The following PSIP1 variants were observed in gnomAD, a reference collection of about 807,000 sequenced individuals.
The protein encoded by PSIP1 is PC4 and SFRS1-interacting protein.
Under a neutral mutation model 74.7 loss-of-function variants are expected in PSIP1, and 19 were observed. The ratio of observed to expected loss-of-function variants is 0.25; its 90% CI spans 0.18 to 0.37. The LOEUF (loss-of-function observed/expected upper bound fraction) is 0.37. PSIP1 is among the 10% of genes least tolerant of loss of function. PSIP1 has a pLI of 1.00. For missense variants in PSIP1, 601 were observed against 614.3 expected (o/e 0.98, Z 0.23); for synonymous variants, 222 against 195.3 (o/e 1.14, Z -1.14).
chr9:15,492,222 G>C (rs1056885169), intron 3 of PSIP1: 1 of 152,138 alleles, frequency 6.6e-6, no homozygotes, highest in East Asian at 1.9e-4. Context: ...TTCCACCTAG[G>C]AGCCTGTAAA....
chr9:15,471,061 T>C (rs1269640227), intron 10 of PSIP1: 2 of 1,478,122 alleles, frequency 1.4e-6, no homozygotes, highest in Non-Finnish European at 1.8e-6. Context: ...ATTTAGAATC[T>C]GGAACATTCT....
chr9:15,481,456 G>A (rs745602360), intron 6 of PSIP1, among the ~76,000 whole-genome samples: 2 of 152,224 alleles, frequency 1.3e-5, no homozygotes, highest in South Asian at 2.1e-4. Context: ...TCAGCGCTTT[G>A]GGAGGCTGGG....
At chr9:15,467,113 C>G (rs1285850846) in intron 14 of PSIP1, among the ~76,000 whole-genome samples, 6 of 151,944 alleles carry the variant, frequency 3.9e-5, no homozygotes, top group African/African-American at 1.4e-4. Context: ...AGCAGGTTAA[C>G]TATCTATGAG....
chr9:15,472,882 A>AAG (rs1477657246), intron 9 of PSIP1, 132 bp from the exon 10 acceptor site: 2 of 801,966 alleles, frequency 2.5e-6, no homozygotes, highest in Non-Finnish European at 4.0e-6. Flanking sequence ...GCAACCTAAA[A>AAG]ATAGTCTTTG....
intron 6 of PSIP1, among the ~76,000 whole-genome samples, chr9:15,484,488 G>A (rs2036473122): frequency 6.6e-6 from 1 of 151,552 alleles, no homozygotes; most frequent in African/African-American, 2.4e-5. Flanking sequence ...ACTTTGGGAG[G>A]CCGAGGTGGG....
chr9:15,506,217 A>G (rs1293794169), intron 3 of PSIP1: 3 of 171,064 alleles, frequency 1.8e-5, no homozygotes, highest in African/African-American at 7.1e-5. Context: ...ATAAAACCAA[A>G]AATTAGGTAC....
chr9:15,470,241 G>C (rs955801244), intron 10 of PSIP1, among the ~76,000 whole-genome samples: 1 of 152,100 alleles, frequency 6.6e-6, no homozygotes, highest in Non-Finnish European at 1.5e-5. Flanking sequence ...TGCTAGAAGA[G>C]CAATTTCAGG....
intron 3 of PSIP1, among the ~76,000 whole-genome samples, chr9:15,497,233 TATCAC>T (rs2037117865): frequency 6.6e-6 from 1 of 151,706 alleles, no homozygotes; most frequent in Non-Finnish European, 1.5e-5. Flanking sequence ...AGTAATGTAC[TATCAC>T]ATCCAGGCTA....
intron 6 of PSIP1, among the ~76,000 whole-genome samples, chr9:15,485,026 G>C (rs2036499838): frequency 6.6e-6 from 1 of 152,090 alleles, no homozygotes; most frequent in African/African-American, 2.4e-5. Flanking sequence ...TCAGGTTGCA[G>C]TGAGGCATGA....
At chr9:15,494,557 C>A (rs1403886931) in intron 3 of PSIP1, among the ~76,000 whole-genome samples, 1 of 50,506 alleles carries the variant, frequency 2.0e-5, no homozygotes, top group East Asian at 7.2e-4. Flanking sequence ...AAGAGCAAAA[C>A]TGCATCTCAA....
chr9:15,509,489 CAAA>C (rs1277354708), intron 2 of PSIP1, among the ~76,000 whole-genome samples: 5 of 152,114 alleles, frequency 3.3e-5, no homozygotes, highest in Admixed American at 3.3e-4. Context: ...CTATTGGAAA[CAAA>C]AAGGTAAAAC....
intron 11 of PSIP1, 115 bp downstream of exon 11, chr9:15,469,823 C>G: frequency 1.2e-6 from 1 of 843,952 alleles, no homozygotes; most frequent in Non-Finnish European, 1.8e-6. Flanking sequence ...TTGAAAAATT[C>G]TATTTGTAGG....
intron 3 of PSIP1, among the ~76,000 whole-genome samples, chr9:15,494,590 A>G (rs900669736): frequency 2.7e-5 from 4 of 150,776 alleles, no homozygotes; most frequent in African/African-American, 9.8e-5. Context: ...AAAAAAAAAA[A>G]AAATACACAC....
chr9:15,471,363 T>C, intron 10 of PSIP1: 2 of 1,555,050 alleles, frequency 1.3e-6, no homozygotes, highest in Non-Finnish European at 1.8e-6. Flanking sequence ...AAAACACAAA[T>C]ATTAGAATTT....
chr9:15,477,739 T>C (rs1237325404), intron 8 of PSIP1, among the ~76,000 whole-genome samples: 2 of 152,086 alleles, frequency 1.3e-5, no homozygotes, highest in Non-Finnish European at 2.9e-5. Context: ...CACAATTTCC[T>C]GGATAACTGA....
chr9:15,470,957 A>G (rs897397984), intron 10 of PSIP1: 2 of 1,121,456 alleles, frequency 1.8e-6, no homozygotes, highest in East Asian at 4.2e-5. Flanking sequence ...AAAAAAAAAA[A>G]ACAGGAATGA....
chr9:15,469,142 AAG>A (rs2035740062), intron 12 of PSIP1, 84 bp from the exon 13 acceptor site: 4 of 1,419,608 alleles, frequency 2.8e-6, no homozygotes, highest in South Asian at 2.5e-5. Flanking sequence ...TCCAAAAAAA[AAG>A]AGGTAGTGCA....
At chr9:15,469,861 A>G in intron 11 of PSIP1, 77 bp downstream of exon 11, 1 of 1,259,842 alleles carries the variant, frequency 7.9e-7, no homozygotes, top group African/African-American at 1.5e-5. Context: ...TTCCAAAACC[A>G]ATACATGAAA....
At chr9:15,469,201 G>T in intron 12 of PSIP1, 65 bp downstream of exon 12, 1 of 1,327,764 alleles carries the variant, frequency 7.5e-7, no homozygotes. Flanking sequence ...ATAAGATCAT[G>T]TGAGAAAATA....
Sources: allele counts gnomAD v4.1 joint callset (sites outside exome capture counted in the v4.1 genomes callset), GRCh38; gene constraint gnomAD v4.1.1; transcripts MANE v1.5; gene names NCBI Gene and HGNC (gene_info 2026-07-23, HGNC 2026-07-21).